The following CNTNAP2 variants were observed in gnomAD, a reference collection of about 807,000 sequenced individuals.
The protein encoded by CNTNAP2 is contactin-associated protein-like 2.
Under a neutral mutation model 155.2 loss-of-function variants are expected in CNTNAP2, and 98 were observed. That is an observed-to-expected ratio of 0.63 (90% CI 0.54 to 0.75). The LOEUF is 0.75. CNTNAP2 is among the 30% of genes least tolerant of loss of function. The pLI is 0.00. For missense variants in CNTNAP2, 1,727 were observed against 1,688.1 expected, an observed-to-expected ratio of 1.02 and a Z score of -0.40; for synonymous variants, 651 against 631.2, an observed-to-expected ratio of 1.03 and a Z score of -0.47.
At chr7:146,578,885 T>C (rs1230025504) in intron 1 of CNTNAP2, among the ~76,000 whole-genome samples, 5 of 152,144 alleles carry the variant, frequency 3.3e-5, no homozygotes, top group Non-Finnish European at 7.4e-5. Flanking sequence ...TTAACTCCCC[T>C]TTCAATTATT....
In CNTNAP2 at chr7:146,116,819, G is replaced by C; in HGVS notation, c.-58G>C. 7.3e-7 allele frequency: 1 copy of C among 1,372,136 alleles called. No individual in the cohort carries two copies. The highest frequency in any genetic ancestry group is 2.0e-5 in the Admixed American group (1 of 49,710). The allele number at this position is 1,372,136 out of a possible 1,614,324, so 85.0% of individuals were successfully genotyped here. A position where few individuals can be genotyped will look rare whatever the true frequency, so the allele number is the denominator to read the frequency against. On this transcript the variant is annotated 5_prime_UTR_variant, in exon 1 of 24. Transcript: ENST00000361727. This position sits in a 1 kb window ranked among gnomAD's most constrained non-coding sequence, Gnocchi z 5.5. ...CATCTCCCTTCAAGAACCCTACGGA[G>C]AGTCGGACTGCATCTCCGCAGCGAG...
At chr7:147,424,112 T>C (rs1797340675) in intron 10 of CNTNAP2, among the ~76,000 whole-genome samples, 1 of 152,162 alleles carries the variant, frequency 6.6e-6, no homozygotes, top group Admixed American at 6.5e-5. Flanking sequence ...GGTGTTGCAA[T>C]CCTACTTCAT....
chr7:146,494,053 G>C (rs73164048), intron 1 of CNTNAP2, among the ~76,000 whole-genome samples: 1 of 151,974 alleles, frequency 6.6e-6, no homozygotes, highest in African/African-American at 2.4e-5. Context: ...AAAAATGCAG[G>C]CCGGAAACAG....
chr7:147,231,119 G>A (rs1803671860), intron 8 of CNTNAP2, among the ~76,000 whole-genome samples: 1 of 152,138 alleles, frequency 6.6e-6, no homozygotes, highest in Admixed American at 6.5e-5. Context: ...TCCTGAGAAC[G>A]CACTCACTAC....
chr7:146,723,211 G>A (rs1801369490), intron 1 of CNTNAP2, among the ~76,000 whole-genome samples: 1 of 152,084 alleles, frequency 6.6e-6, no homozygotes, highest in Non-Finnish European at 1.5e-5. Context: ...GTGAGAAGAT[G>A]GCAATGGGAA....
chr7:146,603,457 T>C (rs947521337), intron 1 of CNTNAP2, among the ~76,000 whole-genome samples: 4 of 149,870 alleles, frequency 2.7e-5, no homozygotes, highest in African/African-American at 9.8e-5. Flanking sequence ...TCCATGCTCA[T>C]GGGTAGGAAG....
chr7:146,247,104 C>T (rs993023185), intron 1 of CNTNAP2, among the ~76,000 whole-genome samples: 1 of 152,092 alleles, frequency 6.6e-6, no homozygotes, highest in African/African-American at 2.4e-5. Flanking sequence ...GAGAATAAGA[C>T]GGCCTTTTGA....
intron 1 of CNTNAP2, among the ~76,000 whole-genome samples, chr7:146,557,550 G>C (rs997241360): frequency 1.3e-5 from 2 of 152,034 alleles, no homozygotes; most frequent in Admixed American, 1.3e-4. Flanking sequence ...GGGCTGATAA[G>C]AGGCCCAGTA....
At chr7:148,322,485 T>A (rs1339378952) in intron 21 of CNTNAP2, among the ~76,000 whole-genome samples, 7 of 152,184 alleles carry the variant, frequency 4.6e-5, no homozygotes, top group African/African-American at 1.7e-4. Context: ...ATCTAACCTC[T>A]CTAGGATAAC....
chr7:146,280,364 T>A (rs988262491), intron 1 of CNTNAP2, among the ~76,000 whole-genome samples: 2 of 152,190 alleles, frequency 1.3e-5, no homozygotes, highest in African/African-American at 4.8e-5. Context: ...TTTCTTTTTT[T>A]CTATATTTCT....
intron 21 of CNTNAP2, among the ~76,000 whole-genome samples, chr7:148,324,975 C>T (rs148430141): frequency 6.6e-6 from 1 of 152,236 alleles, no homozygotes; most frequent in Non-Finnish European, 1.5e-5. Flanking sequence ...GGTTAAAAAT[C>T]CACAACGCTT....
chr7:147,356,982 T>TA (rs1335990018), intron 9 of CNTNAP2, among the ~76,000 whole-genome samples: 1 of 152,070 alleles, frequency 6.6e-6, no homozygotes, highest in Non-Finnish European at 1.5e-5. Flanking sequence ...ACTCACCTAA[T>TA]ACCACTTGAA....
intron 15 of CNTNAP2, among the ~76,000 whole-genome samples, chr7:148,110,759 AC>A (rs1804331296): frequency 6.6e-6 from 1 of 152,026 alleles, no homozygotes; most frequent in Non-Finnish European, 1.5e-5. Flanking sequence ...CCCCGCTATG[AC>A]CCTGCCAGTG....
chr7:146,730,212 A>G (rs961979602), intron 1 of CNTNAP2, among the ~76,000 whole-genome samples: 1 of 151,994 alleles, frequency 6.6e-6, no homozygotes, highest in African/African-American at 2.4e-5. Flanking sequence ...AAATAAATAG[A>G]TTTTATAACT....
chr7:146,271,696 A>T (rs930717541), intron 1 of CNTNAP2, among the ~76,000 whole-genome samples: 1 of 151,674 alleles, frequency 6.6e-6, no homozygotes, highest in Non-Finnish European at 1.5e-5. Context: ...ATTTTGAAAA[A>T]TTTTCTCTAT....
intron 3 of CNTNAP2, among the ~76,000 whole-genome samples, chr7:146,916,688 C>G (rs150798462): frequency 1.1e-3 from 174 of 151,450 alleles, no homozygotes; most frequent in African/African-American, 3.3e-3. Flanking sequence ...TCTAACTGAG[C>G]TTATTTGGAT....
intron 8 of CNTNAP2, among the ~76,000 whole-genome samples, chr7:147,284,198 T>C (rs999711891): frequency 2.0e-5 from 3 of 151,840 alleles, no homozygotes; most frequent in African/African-American, 7.2e-5. Flanking sequence ...TCATCATTGG[T>C]CTTTCTATTC....
At chr7:146,697,179 A>C (rs905019592) in intron 1 of CNTNAP2, among the ~76,000 whole-genome samples, 1 of 152,160 alleles carries the variant, frequency 6.6e-6, no homozygotes, top group Non-Finnish European at 1.5e-5. Context: ...TCCATTAGGC[A>C]CAGACACAAT....
intron 3 of CNTNAP2, among the ~76,000 whole-genome samples, chr7:146,969,312 A>G (rs373621490): frequency 3.1e-4 from 47 of 152,244 alleles, no homozygotes; most frequent in South Asian, 2.5e-3. Context: ...AGAGGTCTGT[A>G]GATGTCTATT....
Sources: gnomAD v4.1 joint callset for allele counts (sites outside exome capture counted in the v4.1 genomes callset) on GRCh38, gnomAD v4.1.1 for gene constraint, Gnocchi (gnomAD v3.1) non-coding constraint, MANE v1.5 for transcripts, NCBI Gene and HGNC (gene_info 2026-07-23, HGNC 2026-07-21) for gene names.